The following PPM1L variants were observed in gnomAD, a reference collection of about 807,000 sequenced individuals.
PPM1L encodes protein phosphatase 1L.
A neutral mutation model predicts 31.4 loss-of-function variants in PPM1L; 13 were observed. That is an observed-to-expected ratio of 0.41 (90% CI 0.27 to 0.66). The LOEUF is 0.66. Among genes scored for constraint, PPM1L ranks in the 30% least tolerant of loss-of-function variants. The pLI is 0.29. For synonymous variants in PPM1L, 184 were observed against 175.4 expected, an observed-to-expected ratio of 1.05 and a Z score of -0.39; for missense variants, 326 against 453.7, an observed-to-expected ratio of 0.72 and a Z score of 2.56.
At chr3:160,999,645 G>A (rs1269844883) in intron 2 of PPM1L, among the ~76,000 whole-genome samples, 1 of 152,224 alleles carries the variant, frequency 6.6e-6, no homozygotes, top group South Asian at 2.1e-4. Context: ...TCTGCCTTCA[G>A]TAAAGACATA....
At chr3:160,790,081 TACATG>T (rs1315043803) in intron 1 of PPM1L, among the ~76,000 whole-genome samples, 2 of 152,140 alleles carry the variant, frequency 1.3e-5, no homozygotes, top group Non-Finnish European at 2.9e-5. Flanking sequence ...CAAAGTTCAG[TACATG>T]AAACCATCCA....
intron 2 of PPM1L, among the ~76,000 whole-genome samples, chr3:160,977,390 G>A (rs1004924617): frequency 6.6e-6 from 1 of 152,154 alleles, no homozygotes; most frequent in African/African-American, 2.4e-5. Context: ...CCAAGTTCTG[G>A]CTACGTGCCG....
intron 2 of PPM1L, among the ~76,000 whole-genome samples, chr3:161,048,723 A>G (rs1465090358): frequency 6.6e-6 from 1 of 152,086 alleles, no homozygotes; most frequent in Non-Finnish European, 1.5e-5. Flanking sequence ...AATGTGGCAT[A>G]TATACACCAT....
chr3:160,928,963 C>G (rs1714693980), intron 1 of PPM1L, among the ~76,000 whole-genome samples: 1 of 152,026 alleles, frequency 6.6e-6, no homozygotes, highest in Non-Finnish European at 1.5e-5. Context: ...AGATGCAAGG[C>G]AGATGGGGTC....
At chr3:160,794,239 T>A (rs973745118) in intron 1 of PPM1L, among the ~76,000 whole-genome samples, 3 of 152,158 alleles carry the variant, frequency 2.0e-5, no homozygotes, top group Non-Finnish European at 2.9e-5. Context: ...ATATTCAGGT[T>A]CTGTGTTCTG....
At chr3:161,068,097 T>C (rs546002328) in intron 3 of PPM1L, among the ~76,000 whole-genome samples, 2 of 152,274 alleles carry the variant, frequency 1.3e-5, no homozygotes, top group Non-Finnish European at 2.9e-5. Flanking sequence ...AAAAAAATAA[T>C]AGATACAATT....
At chr3:160,924,655 A>G (rs1046012568) in intron 1 of PPM1L, among the ~76,000 whole-genome samples, 3 of 152,194 alleles carry the variant, frequency 2.0e-5, no homozygotes, top group African/African-American at 7.2e-5. Context: ...AACATTTGCT[A>G]TTTCAAGGCT....
chr3:160,836,233 G>C (rs1713710150), intron 1 of PPM1L, among the ~76,000 whole-genome samples: 1 of 152,076 alleles, frequency 6.6e-6, no homozygotes, highest in South Asian at 2.1e-4. Context: ...GAAAGGAAGA[G>C]AGAGTATTTT....
At chr3:160,876,314 T>C (rs1712509314) in intron 1 of PPM1L, among the ~76,000 whole-genome samples, 2 of 152,198 alleles carry the variant, frequency 1.3e-5, no homozygotes, top group Non-Finnish European at 2.9e-5. Flanking sequence ...TTTGTGTGTA[T>C]GTTTGTGGTT....
chr3:160,770,594 G>A (rs1010292034), intron 1 of PPM1L, among the ~76,000 whole-genome samples: 7 of 152,084 alleles, frequency 4.6e-5, no homozygotes, highest in Non-Finnish European at 8.8e-5. Context: ...TTTTTTCTTT[G>A]GAGAAAAGTA....
intron 2 of PPM1L, among the ~76,000 whole-genome samples, chr3:161,014,128 T>C (rs1041822462): frequency 6.6e-6 from 1 of 152,218 alleles, no homozygotes; most frequent in African/African-American, 2.4e-5. Context: ...CAATGGTCTT[T>C]ACAATTTTGC....
At chr3:160,813,656 C>A (rs370600347) in intron 1 of PPM1L, among the ~76,000 whole-genome samples, 2 of 152,066 alleles carry the variant, frequency 1.3e-5, no homozygotes, top group East Asian at 3.9e-4. Flanking sequence ...ACTTCTATAA[C>A]CAGATAAAAT....
intron 2 of PPM1L, among the ~76,000 whole-genome samples, chr3:161,039,424 G>A (rs1718842172): frequency 6.6e-6 from 1 of 152,172 alleles, no homozygotes; most frequent in Admixed American, 6.5e-5. Context: ...CAGTAAGGAG[G>A]GGGCGTGTAT....
At chr3:161,029,457 T>C (rs1007317655) in intron 2 of PPM1L, among the ~76,000 whole-genome samples, 2 of 152,186 alleles carry the variant, frequency 1.3e-5, no homozygotes, top group Non-Finnish European at 2.9e-5. Context: ...TGTCATACAA[T>C]TCCAGTAAAT....
intron 1 of PPM1L, among the ~76,000 whole-genome samples, chr3:160,815,778 A>G (rs1712977526): frequency 6.6e-6 from 1 of 152,162 alleles, no homozygotes; most frequent in Non-Finnish European, 1.5e-5. Flanking sequence ...ACATAAAGAG[A>G]AAATAGATTT....
At chr3:160,991,553 G>GT (rs548970500) in intron 2 of PPM1L, among the ~76,000 whole-genome samples, 18 of 152,264 alleles carry the variant, frequency 1.2e-4, no homozygotes, top group Non-Finnish European at 2.4e-4. Context: ...AGGCAATTAT[G>GT]TAACTACTTG....
At chr3:160,938,921 A>G (rs1015555379) in intron 1 of PPM1L, among the ~76,000 whole-genome samples, 3 of 152,208 alleles carry the variant, frequency 2.0e-5, no homozygotes, top group African/African-American at 7.2e-5. Flanking sequence ...ACCCACTTCT[A>G]AAGACTTTTG....
intron 1 of PPM1L, among the ~76,000 whole-genome samples, chr3:160,819,862 A>C (rs1239779941): frequency 6.6e-6 from 1 of 152,032 alleles, no homozygotes; most frequent in Non-Finnish European, 1.5e-5. Context: ...GAATTATATT[A>C]ATCATATTTT....
chr3:161,001,106 G>A (rs572594969), intron 2 of PPM1L, among the ~76,000 whole-genome samples: 1 of 152,188 alleles, frequency 6.6e-6, no homozygotes, highest in South Asian at 2.1e-4. Context: ...ATTGAGTCTA[G>A]TAACAATAAT....
Sources: gnomAD v4.1 joint callset for allele counts (sites outside exome capture counted in the v4.1 genomes callset) on GRCh38, gnomAD v4.1.1 for gene constraint, MANE v1.5 for transcripts, NCBI Gene and HGNC (gene_info 2026-07-23, HGNC 2026-07-21) for gene names.